Variants in PPP2R1B observed in about 807,000 individuals in gnomAD.
The protein encoded by PPP2R1B is protein phosphatase 2 scaffold subunit Abeta, also known as serine/threonine-protein phosphatase 2A 65 kDa regulatory subunit A beta isoform.
Under a neutral mutation model 72.7 loss-of-function variants are expected in PPP2R1B, and 58 were observed. The observed-to-expected ratio is 0.80, with a 90% CI of 0.65 to 0.99. The LOEUF is 0.99. Ranked by LOEUF, PPP2R1B falls within the 50% of genes least tolerant of loss-of-function variation. The probability of loss-of-function intolerance (pLI) is 0.00; values close to 1 mark genes in which losing one functional copy is unlikely to be tolerated. For synonymous variants in PPP2R1B, 256 were observed against 264.6 expected, an observed-to-expected ratio of 0.97 and a Z score of 0.32; for missense variants, 695 against 733.6, an observed-to-expected ratio of 0.95 and a Z score of 0.61.
the PPP2R1B span, chr11:111,720,078 G>A: frequency 3.2e-5 from 46 of 1,433,554 alleles, no homozygotes; most frequent in Admixed American, 9.8e-5. Context: ...AAGTGGTCAC[G>A]ATGCCAGCCA....
At position 111,759,907 on chromosome 11, in the gene PPP2R1B, C is replaced by G. The variant is rs371282382; in HGVS notation, c.584G>C (p.Arg195Pro). 3.6e-5 allele frequency: 58 copies of G among 1,614,008 alleles called. No homozygotes were observed. The highest frequency in any genetic ancestry group is 1.4e-4 in the South Asian group (13 of 91,080). ...TTCACCCAATTTGGAAGCAGCAGCA[C>G]GTCGTACCATTGGTGTGTCATCTGA... is the stretch of plus-strand genomic sequence containing the variant. Reference protein sequence around the residue: ...LCSDDTPMVRRAAASKLGEFA... With the variant: ...LCSDDTPMVRPAAASKLGEFA... Residue 195 changes from arginine to proline, a missense_variant, in exon 5 of 15, where the codon CGT becomes CCT. Coordinates refer to ENST00000527614, the MANE Select transcript of PPP2R1B (RefSeq NM_002716.5).
chr11:111,754,549 T>C lies in PPP2R1B; in HGVS notation c.979A>G (p.Ile327Val). Residue 327 changes from isoleucine to valine, a missense_variant, in exon 8 of 15, where the codon ATT becomes GTT. Transcript: ENST00000527614. ...ATAATTATGGTCTCTCTATCTTCAA[T>C]GGGCAAGTTCTCACCAAGTTCTAAA... ...KVKELGENLPIEDRETIIMNQ... is the reference protein window; with the variant it reads ...KVKELGENLPVEDRETIIMNQ... The C allele has an allele frequency of 6.2e-7, 1 of 1,604,610 alleles. No individual in the cohort carries two copies. Among genetic ancestry groups the C allele is most frequent in the Middle Eastern group, 1.7e-4 (1 of 6,044 alleles).
At chr11:111,759,271 A>C (rs1555050547) in intron 5 of PPP2R1B, among the ~76,000 whole-genome samples, 1 of 152,216 alleles carries the variant, frequency 6.6e-6, no homozygotes, top group African/African-American at 2.4e-5. Flanking sequence ...ATAACTACTT[A>C]AAGGCAGAGA....
At chr11:111,706,773 A>G in the PPP2R1B span, among the ~76,000 whole-genome samples, 1 of 152,196 alleles carries the variant, frequency 6.6e-6, no homozygotes, top group Admixed American at 6.5e-5. Flanking sequence ...CATCCTGGCC[A>G]ACATGGTGAA....
intron 11 of PPP2R1B, 130 bp downstream of exon 11, chr11:111,747,824 A>G: frequency 4.0e-6 from 3 of 740,900 alleles, no homozygotes; most frequent in Non-Finnish European, 6.2e-6. Context: ...ATTAAACTTT[A>G]ATTAGAGCCT....
At chr11:111,690,473 G>A in the PPP2R1B span, among the ~76,000 whole-genome samples, 1 of 150,958 alleles carries the variant, frequency 6.6e-6, no homozygotes, top group Non-Finnish European at 1.5e-5. Context: ...TTTAAGTTCT[G>A]GGATACATGT....
At chr11:111,729,296 G>A (rs1944101748) in intron 15 of PPP2R1B, 1 of 152,318 alleles carries the variant, frequency 6.6e-6, no homozygotes, top group African/African-American at 2.4e-5. Flanking sequence ...GGCGGCAGCA[G>A]TGCTCGCAGA....
chr11:111,723,766 C>T (rs750280910), downstream of PPP2R1B: 32 of 1,613,988 alleles, frequency 2.0e-5, 1 homozygote, highest in East Asian at 1.1e-4. Context: ...CCTCCACTTC[C>T]GGTCCCCGGG....
At chr11:111,692,927 T>G in the PPP2R1B span, among the ~76,000 whole-genome samples, 94 of 152,274 alleles carry the variant, frequency 6.2e-4, no homozygotes, top group African/African-American at 2.1e-3. Context: ...ATTAAAATAT[T>G]TTTGTGTTTA....
At position 111,738,198 on chromosome 11, in the gene PPP2R1B, G is replaced by A; in HGVS notation, c.*3398C>T. The A allele has an allele frequency of 3.0e-6, 3 of 985,742 alleles. No homozygotes were observed. Among genetic ancestry groups the A allele is most frequent in the Non-Finnish European group, 3.6e-6 (3 of 830,178 alleles). 61.1% of individuals were successfully genotyped at this position (985,742 alleles called of 1,614,324 possible). On this transcript the variant is annotated 3_prime_UTR_variant, in exon 15 of 15. Coordinates refer to ENST00000527614, the MANE Select transcript of PPP2R1B (RefSeq NM_002716.5). ...GCAGTCACCTCAGCTGCTAAACCAG[G>A]AGAACACTGGGCAACAGGGCCTCTC...
In PPP2R1B at chr11:111,753,575, T is replaced by G; in HGVS notation, c.1032A>C (p.Glu344Asp). 1 of 1,598,448 alleles carries G rather than the reference T, an allele frequency of 6.3e-7. No individual in the cohort carries two copies. ...IMNQILPYIK[E>D]LVSDTNQHVK... ...CATGTTGATTGGTATCGGATACTAA[T>G]TCCTAAAATAAAATCGAAATTAAAA... Residue 344 changes from glutamate to aspartate, a missense_variant and splice_region_variant, in exon 9 of 15, where the codon GAA becomes GAC. Transcript: ENST00000527614.
Position 111,742,099 on chromosome 11 carries a change from T to C in PPP2R1B, c.1743A>G (p.Gln581=). ...EVKPVLQKLG[Q]DEDMDVKYFA... Reference sequence around the variant, plus strand: ...AGTATTTGACATCCATGTCTTCATCTTGACCTAACTTCTGTAGTACTGGCT... The same window carrying C: ...AGTATTTGACATCCATGTCTTCATCCTGACCTAACTTCTGTAGTACTGGCT... The change falls in exon 14 of 15, where the codon CAA becomes CAG. Residue 581 remains glutamine, a synonymous_variant. Transcript: ENST00000527614. 1 of 1,614,000 alleles carries C rather than the reference T, an allele frequency of 6.2e-7. No individual in the cohort carries two copies. Among genetic ancestry groups the C allele is most frequent in the Non-Finnish European group, 8.5e-7 (1 of 1,179,888 alleles).
the PPP2R1B span, chr11:111,705,182 G>A: frequency 6.8e-7 from 1 of 1,476,932 alleles, no homozygotes; most frequent in Non-Finnish European, 8.9e-7. This position sits in a 1 kb window ranked among gnomAD's most constrained non-coding sequence, Gnocchi z 4.3. Flanking sequence ...GCATGTGCCT[G>A]TTCACATGTT....
At chr11:111,692,468 A>G in the PPP2R1B span, among the ~76,000 whole-genome samples, 1 of 150,896 alleles carries the variant, frequency 6.6e-6, no homozygotes, top group Non-Finnish European at 1.5e-5. Context: ...CCACACATGC[A>G]AAGGCTGAGA....
At chr11:111,697,851 G>GA in the PPP2R1B span, among the ~76,000 whole-genome samples, 6 of 151,088 alleles carry the variant, frequency 4.0e-5, no homozygotes, top group Non-Finnish European at 7.4e-5. Flanking sequence ...AAGAAAAAAG[G>GA]AAAAAAAAAT....
At chr11:111,729,315 G>A (rs1020982231) in intron 15 of PPP2R1B, 18 of 152,268 alleles carry the variant, frequency 1.2e-4, no homozygotes, top group African/African-American at 4.1e-4. Flanking sequence ...GACCCACCCA[G>A]GGAGAGCTGT....
the PPP2R1B span, among the ~76,000 whole-genome samples, chr11:111,713,495 T>C: frequency 6.6e-6 from 1 of 152,152 alleles, no homozygotes; most frequent in African/African-American, 2.4e-5. Context: ...TGAGATAATG[T>C]GTGTGAGGTT....
chr11:111,752,990 C>T (rs1944966759), intron 9 of PPP2R1B, among the ~76,000 whole-genome samples: 1 of 151,562 alleles, frequency 6.6e-6, no homozygotes, highest in Admixed American at 6.6e-5. Flanking sequence ...AACAAACAAA[C>T]AAAAAGGGAT....
In PPP2R1B at chr11:111,738,898, G is replaced by GTA. The variant is rs1944425401; in HGVS notation, c.*2697_*2698insTA. On this transcript the variant is annotated 3_prime_UTR_variant, in exon 15 of 15. Transcript: ENST00000527614. ...GTTATATGTTTGTGTGTGTGTGTGT[G>GTA]TGTGTGTGTGTGTGTGTGTGTGTGT... 1.0e-6 allele frequency: 1 copy of GTA among 972,194 alleles called. No individual in the cohort carries two copies. Among genetic ancestry groups the GTA allele is most frequent in the Admixed American group, 6.2e-5 (1 of 16,118 alleles). The allele number at this position is 972,194 out of a possible 1,614,324, so 60.2% of individuals were successfully genotyped here. A position where few individuals can be genotyped will look rare whatever the true frequency, so the allele number is the denominator to read the frequency against.
Sources: allele counts gnomAD v4.1 joint callset (sites outside exome capture counted in the v4.1 genomes callset), GRCh38; gene constraint gnomAD v4.1.1; non-coding constraint Gnocchi (gnomAD v3.1); transcripts MANE v1.5; gene names NCBI Gene and HGNC (gene_info 2026-07-23, HGNC 2026-07-21).